The following SYNE1 variants were observed in gnomAD, a reference collection of about 807,000 sequenced individuals.
SYNE1 encodes the protein spectrin repeat containing nuclear envelope protein 1.
A neutral mutation model predicts 1,111.0 loss-of-function variants in SYNE1; 616 were observed. The observed-to-expected ratio is 0.55, with a 90% CI of 0.52 to 0.59. The LOEUF (loss-of-function observed/expected upper bound fraction) is 0.59, where lower values mean the gene tolerates loss of function less well. SYNE1 is among the 20% of genes least tolerant of loss of function. SYNE1 has a pLI of 0.00. For missense variants in SYNE1, 10,006 were observed against 10,417.0 expected (o/e 0.96, Z 1.72); for synonymous variants, 3,855 against 3,825.8 (o/e 1.01, Z -0.28).
intron 137 of SYNE1, chr6:152,145,370 G>A: frequency 1.1e-6 from 1 of 941,066 alleles, no homozygotes; most frequent in Non-Finnish European, 1.7e-6. Flanking sequence ...AAGAGAGGAA[G>A]GCTGTGCCTT....
At chr6:152,307,351 T>G (rs2095412212) in intron 91 of SYNE1, among the ~76,000 whole-genome samples, 1 of 152,220 alleles carries the variant, frequency 6.6e-6, no homozygotes, top group Non-Finnish European at 1.5e-5. Flanking sequence ...TACAAAGCAA[T>G]ACCTTGAATC....
At chr6:152,501,144 G>A (rs1247769990) in intron 10 of SYNE1, among the ~76,000 whole-genome samples, 4 of 151,840 alleles carry the variant, frequency 2.6e-5, no homozygotes, top group African/African-American at 9.7e-5. Context: ...TTTTCAGGAA[G>A]AAAGGAGAAA....
intron 118 of SYNE1, 148 bp from the exon 119 acceptor site, chr6:152,221,194 C>T: frequency 2.7e-6 from 3 of 1,111,944 alleles, no homozygotes; most frequent in South Asian, 2.9e-5. Flanking sequence ...TTTCATATTC[C>T]TAGTTTCAGG....
At chr6:152,251,689 G>A (rs2089320854) in intron 104 of SYNE1, among the ~76,000 whole-genome samples, 2 of 151,824 alleles carry the variant, frequency 1.3e-5, no homozygotes, top group South Asian at 4.2e-4. Flanking sequence ...AACCTGGGAG[G>A]CGGAGCTTGC....
chr6:152,206,131 A>G, intron 126 of SYNE1, 37 bp downstream of exon 126: 1 of 1,600,762 alleles, frequency 6.2e-7, no homozygotes, highest in Non-Finnish European at 8.5e-7. Flanking sequence ...AACGACTAAA[A>G]GGGTTTTTTG....
intron 46 of SYNE1, 29 bp from the exon 47 acceptor site, chr6:152,401,370 T>A (rs2097814253): frequency 3.1e-6 from 5 of 1,599,558 alleles, no homozygotes; most frequent in African/African-American, 1.3e-5. Flanking sequence ...TTCATCAATA[T>A]CTCTGAAGAC....
At chr6:152,522,685 G>A (rs896531858) in intron 5 of SYNE1, among the ~76,000 whole-genome samples, 15 of 152,114 alleles carry the variant, frequency 9.9e-5, no homozygotes, top group African/African-American at 2.7e-4. Flanking sequence ...GTGTATAAGC[G>A]TTCCCTTTAC....
chr6:152,337,247 A>G (rs1161290236), intron 75 of SYNE1, among the ~76,000 whole-genome samples: 1 of 152,142 alleles, frequency 6.6e-6, no homozygotes, highest in African/African-American at 2.4e-5. Context: ...AAATGTCTAC[A>G]AGTTATGCTA....
At chr6:152,248,014 A>G (rs1235006355) in intron 105 of SYNE1, among the ~76,000 whole-genome samples, 1 of 151,962 alleles carries the variant, frequency 6.6e-6, no homozygotes, top group South Asian at 2.1e-4. Flanking sequence ...GAAACAGGAG[A>G]TATTCTAACA....
rs187340857 is a variant in SYNE1 at position 152,301,748 on chromosome 6, C to T, written c.17541+121G>A. ...TCAAAGAGACTTAAGGAATCTGTTC[C>T]TCCCTCTGAATCTGCAAGATCGAAG... is the stretch of plus-strand genomic sequence containing the variant. On this transcript the variant is annotated intron_variant, in intron 92 of 145. Transcript: ENST00000367255. 4.9e-5 allele frequency: 53 copies of T among 1,082,470 alleles called. No individual in the cohort carries two copies. In the African/African-American group the frequency reaches 6.5e-4, roughly 13 times the overall value. The allele number at this position is 1,082,470 out of a possible 1,614,324, so 67.1% of individuals were successfully genotyped here.
chr6:152,206,371 A>G lies in SYNE1; in HGVS notation c.22825-9T>C, dbSNP rs886043035. 1 of 1,613,432 alleles carries G rather than the reference A, an allele frequency of 6.2e-7. No individual in the cohort carries two copies. The highest frequency in any genetic ancestry group is 8.5e-7 in the Non-Finnish European group (1 of 1,179,856). ...AACACTTTTTCTTTGAACTGAAAGGAACCATAGCTTTTTATTTTCTCATTC... is the reference window on the plus strand; with the variant it reads ...AACACTTTTTCTTTGAACTGAAAGGGACCATAGCTTTTTATTTTCTCATTC... On this transcript the variant is annotated splice_polypyrimidine_tract_variant and intron_variant, in intron 125 of 145. Coordinates refer to ENST00000367255, the MANE Select transcript of SYNE1 (RefSeq NM_182961.4).
chr6:152,385,905 C>G (rs2097520425), intron 54 of SYNE1, 67 bp from the exon 55 acceptor site: 2 of 1,506,344 alleles, frequency 1.3e-6, no homozygotes, highest in African/African-American at 1.4e-5. Flanking sequence ...GGTAAGACAA[C>G]AGGCCTGATA....
At chr6:152,298,415 A>G (rs1386349563) in intron 93 of SYNE1, among the ~76,000 whole-genome samples, 1 of 152,212 alleles carries the variant, frequency 6.6e-6, no homozygotes, top group African/African-American at 2.4e-5. Context: ...AGCAAAATCT[A>G]GGAATGCCTC....
intron 3 of SYNE1, among the ~76,000 whole-genome samples, chr6:152,603,203 G>C (rs1180596161): frequency 6.6e-6 from 1 of 152,158 alleles, no homozygotes; most frequent in East Asian, 1.9e-4. Context: ...TGATGAGGCT[G>C]AGCACTGAGG....
At chr6:152,415,788 G>GT (rs2098141831) in intron 41 of SYNE1, among the ~76,000 whole-genome samples, 1 of 34,528 alleles carries the variant, frequency 2.9e-5, no homozygotes, top group Non-Finnish European at 4.7e-5. Context: ...CTTCAAAGTG[G>GT]TAAAAAAAAA....
intron 3 of SYNE1, among the ~76,000 whole-genome samples, chr6:152,555,074 G>A (rs2099360296): frequency 6.6e-6 from 1 of 152,090 alleles, no homozygotes; most frequent in Non-Finnish European, 1.5e-5. Flanking sequence ...GTGAGATTTT[G>A]AAAAAGCAAC....
intron 127 of SYNE1, among the ~76,000 whole-genome samples, chr6:152,198,077 G>C (rs2074552991): frequency 6.7e-6 from 1 of 150,128 alleles, no homozygotes; most frequent in Non-Finnish European, 1.5e-5. Flanking sequence ...AGGGAAGGAA[G>C]GAAAGAGGAA....
chr6:152,232,621 T>C (rs1231097322), intron 112 of SYNE1, among the ~76,000 whole-genome samples: 1 of 152,202 alleles, frequency 6.6e-6, no homozygotes, highest in Admixed American at 6.5e-5. Context: ...ATTAATTATC[T>C]TGTAAAATCT....
At chr6:152,309,682 C>A (rs1219168812) in intron 90 of SYNE1, 153 bp downstream of exon 90, 2 of 943,754 alleles carry the variant, frequency 2.1e-6, no homozygotes, top group South Asian at 3.1e-5. Context: ...ATCCAAATGA[C>A]AGCATTTTAA....
Sources: gnomAD v4.1 joint callset for allele counts (sites outside exome capture counted in the v4.1 genomes callset) on GRCh38, gnomAD v4.1.1 for gene constraint, MANE v1.5 for transcripts, NCBI Gene and HGNC (gene_info 2026-07-23, HGNC 2026-07-21) for gene names.